The following C5orf24 variants were observed in gnomAD, a reference collection of about 807,000 sequenced individuals.
C5orf24 encodes the protein UPF0461 protein C5orf24.
In C5orf24, 4 loss-of-function variants were observed where a neutral mutation model predicts 9.8. The observed-to-expected ratio is 0.41, with a 90% CI of 0.20 to 0.93. C5orf24 has a LOEUF of 0.93. Ranked by LOEUF, C5orf24 falls within the 40% of genes least tolerant of loss-of-function variation. C5orf24 has a pLI of 0.33. For missense variants in C5orf24, 170 were observed against 236.9 expected (o/e 0.72, Z 1.85); for synonymous variants, 73 against 81.3 (o/e 0.90, Z 0.55).
At chr5:134,834,307 C>T in the C5orf24 span, among the ~76,000 whole-genome samples, 13 of 152,170 alleles carry the variant, frequency 8.5e-5, no homozygotes, top group African/African-American at 3.1e-4. Flanking sequence ...ACTTCTGTAG[C>T]AGCTTTGGAT....
Position 134,845,997 on chromosome 5 carries a change from T to C in C5orf24, c.-219T>C, listed in dbSNP as rs1326040138. Reference sequence around the variant, plus strand: ...CTACAGGGTGGTAGCGGCCTCTTCGTACTGCGTCCGGGGCAGGACCGTGCG... The same window carrying C: ...CTACAGGGTGGTAGCGGCCTCTTCGCACTGCGTCCGGGGCAGGACCGTGCG... On this transcript the variant is annotated 5_prime_UTR_variant, in exon 1 of 2. Transcript: ENST00000394976. 1 of 152,228 alleles carries C rather than the reference T, an allele frequency of 6.6e-6. No homozygotes were observed. Among genetic ancestry groups the C allele is most frequent in the African/African-American group, 2.4e-5 (1 of 41,462 alleles). 9.4% of individuals were successfully genotyped at this position (152,228 alleles called of 1,614,324 possible). A position where few individuals can be genotyped will look rare whatever the true frequency, so the allele number is the denominator to read the frequency against.
chr5:134,841,975 G>A (rs1755898871), upstream of C5orf24, among the ~76,000 whole-genome samples: 1 of 152,146 alleles, frequency 6.6e-6, no homozygotes, highest in African/African-American at 2.4e-5. Flanking sequence ...AGGACAGTGG[G>A]TAGACATTAG....
At chr5:134,850,743 C>G (rs1580841383) in intron 1 of C5orf24, among the ~76,000 whole-genome samples, 1 of 151,886 alleles carries the variant, frequency 6.6e-6, no homozygotes, top group African/African-American at 2.4e-5. Flanking sequence ...TCCTGAAGTG[C>G]TGGGATTAGA....
Position 134,855,223 on chromosome 5 carries a change from G to T in C5orf24, c.323G>T (p.Arg108Ile). ...KSAGYRTSTGRPLGTTKAAGF... is the reference protein window; with the variant it reads ...KSAGYRTSTGIPLGTTKAAGF... ...GCAGGATACCGGACCAGCACAGGCA[G>T]ACCCCTGGGAACCACCAAAGCAGCT... The change falls in exon 2 of 2, where the codon AGA becomes ATA. Residue 108 changes from arginine to isoleucine, a missense_variant. Arg to Ile is a moderately conservative substitution (Grantham distance 97). Coordinates refer to ENST00000394976, the MANE Select transcript of C5orf24 (RefSeq NM_001135586.1). The T allele has an allele frequency of 6.2e-7, 1 of 1,614,200 alleles. No homozygotes were observed. The highest frequency in any genetic ancestry group is 8.5e-7 in the Non-Finnish European group (1 of 1,180,048).
chr5:134,840,003 ACTTAAC>A, the C5orf24 span, among the ~76,000 whole-genome samples: 1 of 152,046 alleles, frequency 6.6e-6, no homozygotes, highest in Non-Finnish European at 1.5e-5. Flanking sequence ...GCCTAGAGTA[ACTTAAC>A]CTTAAGAACA....
In C5orf24 at chr5:134,858,889, T is replaced by C. The variant is rs2150178573; in HGVS notation, c.*3422T>C. ...ATCAATGTTTTAATTAGACTAAAAATTCTTTATATTTTTTATTTACTTTTT... is the reference window on the plus strand; with the variant it reads ...ATCAATGTTTTAATTAGACTAAAAACTCTTTATATTTTTTATTTACTTTTT... On this transcript the variant is annotated 3_prime_UTR_variant, in exon 2 of 2. Coordinates refer to ENST00000394976, the MANE Select transcript of C5orf24 (RefSeq NM_001135586.1). 6.0e-6 allele frequency: 1 copy of C among 166,856 alleles called. No individual in the cohort carries two copies. Among genetic ancestry groups the C allele is most frequent in the Non-Finnish European group, 1.5e-5 (1 of 68,058 alleles). 10.3% of individuals were successfully genotyped at this position (166,856 alleles called of 1,614,324 possible). A position where few individuals can be genotyped will look rare whatever the true frequency, so the allele number is the denominator to read the frequency against.
the C5orf24 span, among the ~76,000 whole-genome samples, chr5:134,839,449 G>GT: frequency 6.6e-6 from 1 of 152,060 alleles, no homozygotes; most frequent in Non-Finnish European, 1.5e-5. Context: ...ATTTAAATCC[G>GT]TATCTATCTT....
intron 1 of C5orf24, among the ~76,000 whole-genome samples, chr5:134,850,943 C>T (rs568639799): frequency 1.9e-4 from 28 of 147,996 alleles, no homozygotes; most frequent in Middle Eastern, 3.6e-3. Flanking sequence ...TATATACACA[C>T]ACACACACAC....
chr5:134,837,486 C>T, the C5orf24 span, among the ~76,000 whole-genome samples: 1 of 152,108 alleles, frequency 6.6e-6, no homozygotes, highest in African/African-American at 2.4e-5. Flanking sequence ...CTCTGCTATA[C>T]ACTGAATGTT....
Position 134,857,402 on chromosome 5 carries a change from A to G in C5orf24, c.*1935A>G, listed in dbSNP as rs1191816892. ...AGGTGTTCCAGTGATGCCTGACACA[A>G]TTGAGCTGGACTTTATGCTGCTCTT... On this transcript the variant is annotated 3_prime_UTR_variant, in exon 2 of 2. Coordinates refer to ENST00000394976, the MANE Select transcript of C5orf24 (RefSeq NM_001135586.1). The G allele has an allele frequency of 7.1e-6, 11 of 1,548,604 alleles. No individual in the cohort carries two copies. Among genetic ancestry groups the G allele is most frequent in the Admixed American group, 5.9e-5 (3 of 50,920 alleles).
rs560166824 is a variant in C5orf24, at chr5:134,859,565, C to T, written c.*4098C>T. 1 of 166,994 alleles carries T rather than the reference C, an allele frequency of 6.0e-6. No homozygotes were observed. The allele number at this position is 166,994 out of a possible 1,614,324, so 10.3% of individuals were successfully genotyped here. A position where few individuals can be genotyped will look rare whatever the true frequency, so the allele number is the denominator to read the frequency against. Reference sequence around the variant, plus strand: ...ATTACCAATTAACTGATAATAAGCACGCTGTCCTCTGCTGTAAAAAGTCTG... The same window carrying T: ...ATTACCAATTAACTGATAATAAGCATGCTGTCCTCTGCTGTAAAAAGTCTG... On this transcript the variant is annotated 3_prime_UTR_variant, in exon 2 of 2. Coordinates refer to ENST00000394976, the MANE Select transcript of C5orf24 (RefSeq NM_001135586.1).
chr5:134,834,240 A>C, the C5orf24 span, among the ~76,000 whole-genome samples: 8 of 152,176 alleles, frequency 5.3e-5, no homozygotes, highest in Non-Finnish European at 4.4e-5. Context: ...CTACAGAAAA[A>C]GCTTTTCATT....
rs751613764 is a variant in C5orf24 at position 134,855,466 on chromosome 5, G to A, written c.566G>A (p.Ter189=). The A allele has an allele frequency of 6.2e-7, 1 of 1,613,908 alleles. No individual in the cohort carries two copies. The highest frequency in any genetic ancestry group is 8.5e-7 in the Non-Finnish European group (1 of 1,179,964). The change falls in exon 2 of 2, where the codon TGA becomes TAA. Residue 189 remains the stop codon, a stop_retained_variant. Coordinates refer to ENST00000394976, the MANE Select transcript of C5orf24 (RefSeq NM_001135586.1). ...TSSEVKPPNE[*] is the part of the protein sequence containing the mutation. ...AGTGAAGTCAAACCACCCAATGAGTGAATGAGGCAGGAAAAGAGGGCCAGG... is the reference window on the plus strand; with the variant it reads ...AGTGAAGTCAAACCACCCAATGAGTAAATGAGGCAGGAAAAGAGGGCCAGG...
At chr5:134,849,288 G>T (rs1484118933) in intron 1 of C5orf24, among the ~76,000 whole-genome samples, 1 of 152,128 alleles carries the variant, frequency 6.6e-6, no homozygotes, top group Non-Finnish European at 1.5e-5. Flanking sequence ...ACAATAGTTA[G>T]CTCGGAAGTG....
Position 134,854,940 on chromosome 5 carries a change from G to C in C5orf24, c.40G>C (p.Gly14Arg), listed in dbSNP as rs746080450. 3 of 1,614,014 alleles carry C rather than the reference G, an allele frequency of 1.9e-6. No individual in the cohort carries two copies. The South Asian group carries it at 3.3e-5, about 18-fold the overall frequency. Reference sequence around the variant, plus strand: ...TGCCAGCAGTAATCCAGCTTTCTGTGGGCCTGGCAAGCCTTCCTGCCTCAA... The same window carrying C: ...TGCCAGCAGTAATCCAGCTTTCTGTCGGCCTGGCAAGCCTTCCTGCCTCAA... The part of the protein sequence containing the change: ...PVASSNPAFC[G>R]PGKPSCLNED... The change falls in exon 2 of 2, where the codon GGG becomes CGG. Residue 14 changes from glycine to arginine, a missense_variant. Gly to Arg is a moderately radical substitution (Grantham distance 125, BLOSUM62 -2). Transcript: ENST00000394976.
chr5:134,853,705 A>G (rs1323231743), intron 1 of C5orf24, among the ~76,000 whole-genome samples: 1 of 152,040 alleles, frequency 6.6e-6, no homozygotes, highest in African/African-American at 2.4e-5. Context: ...GGTGTAAGGG[A>G]AGATGATCCA....
At position 134,856,639 on chromosome 5, in the gene C5orf24, TC is replaced by T. The variant is rs943582786; in HGVS notation, c.*1173del. The T allele has an allele frequency of 3.0e-6, 2 of 674,036 alleles. No homozygotes were observed. Among genetic ancestry groups the T allele is most frequent in the African/African-American group, 4.5e-5 (2 of 44,322 alleles). 41.8% of individuals were successfully genotyped at this position (674,036 alleles called of 1,614,324 possible). On this transcript the variant is annotated 3_prime_UTR_variant, in exon 2 of 2. Coordinates refer to ENST00000394976, the MANE Select transcript of C5orf24 (RefSeq NM_001135586.1). ...CTGGGTGACAGAGTAAGACTCCGTC[TC>T]AAATAAATAAATAAATAAATAAATA...
the C5orf24 span, among the ~76,000 whole-genome samples, chr5:134,838,505 TA>T: frequency 1.7e-4 from 26 of 152,158 alleles, no homozygotes; most frequent in Non-Finnish European, 3.5e-4. Context: ...CCGTCTCTAC[TA>T]AAAAACTACA....
upstream of C5orf24, among the ~76,000 whole-genome samples, chr5:134,841,651 C>G (rs778496774): frequency 5.9e-5 from 9 of 152,156 alleles, no homozygotes; most frequent in Non-Finnish European, 1.3e-4. Flanking sequence ...AGAAGCTTTA[C>G]TTCACATCTA....
Sources: allele counts gnomAD v4.1 joint callset (sites outside exome capture counted in the v4.1 genomes callset), GRCh38; gene constraint gnomAD v4.1.1; transcripts MANE v1.5; gene names NCBI Gene and HGNC (gene_info 2026-07-23, HGNC 2026-07-21).